FGF10: variants seen among roughly 807,000 people sequenced by gnomAD.
The protein encoded by FGF10 is fibroblast growth factor 10, also known as FGF-10.
A neutral mutation model predicts 19.8 loss-of-function variants in FGF10; 2 were observed. That is an observed-to-expected ratio of 0.10 (90% CI 0.04 to 0.32). The LOEUF is 0.32. Ranked by LOEUF, FGF10 falls within the 10% of genes least tolerant of loss-of-function variation. FGF10 has a pLI of 1.00. For synonymous variants in FGF10, 112 were observed against 94.0 expected (o/e 1.19, Z -1.10); for missense variants, 191 against 246.3 (o/e 0.78, Z 1.50).
chr5:44,345,096 A>G (rs1485215766), intron 1 of FGF10, among the ~76,000 whole-genome samples: 2 of 151,900 alleles, frequency 1.3e-5, no homozygotes, highest in Non-Finnish European at 2.9e-5. Flanking sequence ...TAGTGACAAA[A>G]TAATAAAATT....
At chr5:44,346,283 A>AT (rs1307469802) in intron 1 of FGF10, among the ~76,000 whole-genome samples, 4 of 151,342 alleles carry the variant, frequency 2.6e-5, no homozygotes, top group African/African-American at 7.3e-5. Context: ...CAAAACCATC[A>AT]TTTTTTTCTC....
At chr5:44,341,014 C>T (rs1365354647) in intron 1 of FGF10, among the ~76,000 whole-genome samples, 1 of 151,820 alleles carries the variant, frequency 6.6e-6, no homozygotes, top group Admixed American at 6.6e-5. Flanking sequence ...ATATACTTTC[C>T]ATTTAATATG....
chr5:44,345,295 A>G (rs1430874575), intron 1 of FGF10, among the ~76,000 whole-genome samples: 1 of 151,874 alleles, frequency 6.6e-6, no homozygotes, highest in East Asian at 1.9e-4. Context: ...GAGGAAAAAA[A>G]TCAGTAAAAT....
intron 1 of FGF10, among the ~76,000 whole-genome samples, chr5:44,329,023 G>A (rs567708541): frequency 2.2e-4 from 34 of 152,176 alleles, no homozygotes; most frequent in South Asian, 1.9e-3. Flanking sequence ...CTAAGAAGAG[G>A]AAAACCTTAT....
intron 1 of FGF10, among the ~76,000 whole-genome samples, chr5:44,316,782 T>C (rs1740361959): frequency 6.6e-6 from 1 of 152,186 alleles, no homozygotes; most frequent in Non-Finnish European, 1.5e-5. Context: ...GTATTGTGAA[T>C]TTGGGATTTG....
chr5:44,328,490 G>A (rs1428352435), intron 1 of FGF10, among the ~76,000 whole-genome samples: 1 of 152,120 alleles, frequency 6.6e-6, no homozygotes, highest in East Asian at 1.9e-4. Context: ...GGGCATGGTG[G>A]CTCACTCTTG....
chr5:44,364,523 G>T (rs1308357114), intron 1 of FGF10, among the ~76,000 whole-genome samples: 1 of 151,848 alleles, frequency 6.6e-6, no homozygotes, highest in Non-Finnish European at 1.5e-5. Flanking sequence ...ACCCAGGGCA[G>T]GCTCCTACCA....
intron 1 of FGF10, among the ~76,000 whole-genome samples, chr5:44,326,090 A>G (rs905491866): frequency 6.6e-6 from 1 of 152,186 alleles, no homozygotes; most frequent in Non-Finnish European, 1.5e-5. Context: ...ATAAAAATAG[A>G]CATGCCCTTA....
intron 1 of FGF10, among the ~76,000 whole-genome samples, chr5:44,313,677 G>T (rs984521384): frequency 6.0e-5 from 9 of 151,166 alleles, no homozygotes; most frequent in Non-Finnish European, 1.0e-4. Context: ...ATGTAAAACA[G>T]ATATTTTGTA....
At chr5:44,311,255 C>G (rs1485047823) in intron 1 of FGF10, among the ~76,000 whole-genome samples, 1 of 151,726 alleles carries the variant, frequency 6.6e-6, no homozygotes, top group East Asian at 1.9e-4. Context: ...CCCTTATACA[C>G]AAGTTTCGAT....
chr5:44,361,540 C>T (rs1741482821), intron 1 of FGF10, among the ~76,000 whole-genome samples: 1 of 151,566 alleles, frequency 6.6e-6, no homozygotes, highest in South Asian at 2.1e-4. Flanking sequence ...AAGAGTTCCA[C>T]TCCAGATGAC....
At position 44,301,100 on chromosome 5, in the gene FGF10, T is replaced by C. The variant is rs922502485; in HGVS notation, c.*3895A>G. Among the ~76,000 whole-genome samples the C allele has an allele frequency of 3.3e-5, 5 of 152,156 alleles. No homozygotes were observed. Among genetic ancestry groups the C allele is most frequent in the Non-Finnish European group, 7.3e-5 (5 of 68,032 alleles). Reference sequence around the variant, plus strand: ...GAGTTCCTTTTTCTCCTGAGCATCCTTCAAAGATATTCCTCTTCCTTTTTA... The same window carrying C: ...GAGTTCCTTTTTCTCCTGAGCATCCCTCAAAGATATTCCTCTTCCTTTTTA... On this transcript the variant is annotated 3_prime_UTR_variant, in exon 3 of 3. Coordinates refer to ENST00000264664, the MANE Select transcript of FGF10 (RefSeq NM_004465.2).
chr5:44,304,825 C>G lies in FGF10; in HGVS notation c.*170G>C. On this transcript the variant is annotated 3_prime_UTR_variant, in exon 3 of 3. Coordinates refer to ENST00000264664, the MANE Select transcript of FGF10 (RefSeq NM_004465.2). ...CATGACACAGAACTAATTAAAAGAA[C>G]ATCATATGTCAGCAGTGAATACAAA... 3 of 652,516 alleles carry G rather than the reference C, an allele frequency of 4.6e-6. No homozygotes were observed. The highest frequency in any genetic ancestry group is 8.2e-6 in the Non-Finnish European group (3 of 365,456). 40.4% of individuals were successfully genotyped at this position (652,516 alleles called of 1,614,324 possible). A position where few individuals can be genotyped will look rare whatever the true frequency, so the allele number is the denominator to read the frequency against.
intron 1 of FGF10, among the ~76,000 whole-genome samples, chr5:44,348,294 A>G (rs535559410): frequency 6.6e-6 from 1 of 151,838 alleles, no homozygotes; most frequent in South Asian, 2.1e-4. Context: ...GAAATATTCC[A>G]TAAGTATTAA....
intron 1 of FGF10, among the ~76,000 whole-genome samples, chr5:44,382,206 G>T (rs1443400579): frequency 6.6e-6 from 1 of 152,128 alleles, no homozygotes; most frequent in Non-Finnish European, 1.5e-5. Context: ...CCTTACATGG[G>T]AATCTACTCT....
intron 1 of FGF10, among the ~76,000 whole-genome samples, chr5:44,317,131 A>G (rs1322288915): frequency 6.6e-6 from 1 of 152,172 alleles, no homozygotes; most frequent in Non-Finnish European, 1.5e-5. Context: ...TCAGTAATCT[A>G]TGTCTAGTCC....
intron 1 of FGF10, among the ~76,000 whole-genome samples, chr5:44,364,389 C>G (rs552781459): frequency 2.3e-3 from 352 of 151,812 alleles, no homozygotes; most frequent in Non-Finnish European, 4.2e-3. Context: ...TGCAATTATT[C>G]TCCAAATATA....
rs533983497 is a variant in FGF10 at position 44,388,304 on chromosome 5, G to A, written c.325+54C>T. 6.5e-6 allele frequency: 10 copies of A among 1,529,274 alleles called. No individual in the cohort carries two copies. In the East Asian group the frequency reaches 1.6e-4, roughly 24 times the overall value. 94.7% of individuals were successfully genotyped at this position (1,529,274 alleles called of 1,614,324 possible). A position where few individuals can be genotyped will look rare whatever the true frequency, so the allele number is the denominator to read the frequency against. On this transcript the variant is annotated intron_variant, in intron 1 of 2. Transcript: ENST00000264664. ...CATCTGGAACAGATTTTTCCCCCCCGTGTGGGCTGGGGGTGGATAATTGGA... is the reference window on the plus strand; with the variant it reads ...CATCTGGAACAGATTTTTCCCCCCCATGTGGGCTGGGGGTGGATAATTGGA...
At chr5:44,318,526 G>C (rs991422172) in intron 1 of FGF10, among the ~76,000 whole-genome samples, 2 of 152,050 alleles carry the variant, frequency 1.3e-5, no homozygotes. Flanking sequence ...AATCCCAAGG[G>C]AATCTTTGTG....
Sources: gnomAD v4.1 joint callset for allele counts (sites outside exome capture counted in the v4.1 genomes callset) on GRCh38, gnomAD v4.1.1 for gene constraint, MANE v1.5 for transcripts, NCBI Gene and HGNC (gene_info 2026-07-23, HGNC 2026-07-21) for gene names.